Variants in CYTH4 observed in about 807,000 individuals in gnomAD.
CYTH4 encodes cytohesin 4, also known as cytohesin-4.
A neutral mutation model predicts 57.5 loss-of-function variants in CYTH4; 22 were observed. The ratio of observed to expected loss-of-function variants is 0.38; its 90% CI spans 0.27 to 0.55. The LOEUF (loss-of-function observed/expected upper bound fraction) is 0.55, where lower values mean the gene tolerates loss of function less well. CYTH4 is among the 20% of genes least tolerant of loss of function. The pLI is 0.74. For missense variants in CYTH4, 420 were observed against 535.6 expected (o/e 0.78, Z 2.13); for synonymous variants, 186 against 206.5 (o/e 0.90, Z 0.85).
intron 1 of CYTH4, among the ~76,000 whole-genome samples, chr22:37,285,094 A>T (rs557662724): frequency 6.6e-6 from 1 of 152,150 alleles, no homozygotes; most frequent in African/African-American, 2.4e-5. Flanking sequence ...GGGCCCTGAG[A>T]TGGCATCCTC....
intron 1 of CYTH4, among the ~76,000 whole-genome samples, chr22:37,290,920 G>A (rs1403379569): frequency 6.6e-6 from 1 of 152,202 alleles, no homozygotes; most frequent in Non-Finnish European, 1.5e-5. Context: ...TGAGCCATCA[G>A]CAGGCTTTCC....
At chr22:37,302,927 C>G (rs190636786) in intron 7 of CYTH4, among the ~76,000 whole-genome samples, 243 of 149,568 alleles carry the variant, frequency 1.6e-3, no homozygotes, top group African/African-American at 5.6e-3. Flanking sequence ...AAGGGCTCTG[C>G]GGGGAGGAGG....
At position 37,311,224 on chromosome 22, in the gene CYTH4, G is replaced by A. The variant is rs565053923; in HGVS notation, c.885+160G>A. Among the ~76,000 whole-genome samples the A allele has an allele frequency of 3.3e-5, 5 of 152,342 alleles. No homozygotes were observed. The East Asian group carries it at 5.8e-4, about 18-fold the overall frequency. On this transcript the variant is annotated intron_variant, in intron 10 of 12. Coordinates refer to ENST00000248901, the MANE Select transcript of CYTH4 (RefSeq NM_013385.5). The surrounding 1 kb of genome is among the most constrained non-coding windows in gnomAD (Gnocchi z 4.4). ...TACAGATGGGGAAAACGGGTACACA[G>A]AGGAGGGCCGGGCCAAGGTCCTAGG...
intron 6 of CYTH4, among the ~76,000 whole-genome samples, chr22:37,299,586 T>C (rs1929109285): frequency 1.3e-5 from 2 of 152,236 alleles, no homozygotes; most frequent in Admixed American, 6.5e-5. Context: ...TTTATTATGG[T>C]CATTCTCCTA....
At position 37,296,378 on chromosome 22, in the gene CYTH4, G is replaced by A. The variant is rs892454948; in HGVS notation, c.234+313G>A. The A allele has an allele frequency of 5.3e-5, 19 of 357,822 alleles. No homozygotes were observed. In the Middle Eastern group the frequency reaches 2.4e-3, roughly 45 times the overall value. 22.2% of individuals were successfully genotyped at this position (357,822 alleles called of 1,614,324 possible). ...CTCCATGAATGTGGCTTGGGACAGT[G>A]GAGCTCTTGGATCTGGGGCTTAGGC... On this transcript the variant is annotated intron_variant, in intron 4 of 12. Transcript: ENST00000248901.
At chr22:37,293,512 T>C (rs1468369204) in intron 2 of CYTH4, among the ~76,000 whole-genome samples, 1 of 152,246 alleles carries the variant, frequency 6.6e-6, no homozygotes, top group African/African-American at 2.4e-5. Flanking sequence ...CAGTTAATAC[T>C]TGCAAATGAA....
intron 1 of CYTH4, among the ~76,000 whole-genome samples, chr22:37,288,880 C>A (rs1299621415): frequency 6.6e-6 from 1 of 152,212 alleles, no homozygotes; most frequent in East Asian, 1.9e-4. Flanking sequence ...GATCTCATGG[C>A]CACGTGCTCA....
chr22:37,283,295 T>C (rs1928431103), intron 1 of CYTH4, among the ~76,000 whole-genome samples: 2 of 152,042 alleles, frequency 1.3e-5, no homozygotes, highest in African/African-American at 4.8e-5. Flanking sequence ...GCTGCAAAGA[T>C]GGTGAGGAAA....
chr22:37,309,756 A>G (rs1569112391), intron 9 of CYTH4, among the ~76,000 whole-genome samples: 1 of 152,228 alleles, frequency 6.6e-6, no homozygotes, highest in Non-Finnish European at 1.5e-5. Flanking sequence ...ACAGCCAGCC[A>G]GGGGCAGATT....
At chr22:37,292,435 A>G in intron 1 of CYTH4, 186 bp from the exon 2 acceptor site, 1 of 568,106 alleles carries the variant, frequency 1.8e-6, no homozygotes, top group Non-Finnish European at 3.1e-6. Context: ...AACAGGAAGC[A>G]GGGCAGGAGA....
intron 1 of CYTH4, among the ~76,000 whole-genome samples, 163 bp downstream of exon 1, chr22:37,282,751 G>A (rs953015149): frequency 3.3e-5 from 5 of 152,220 alleles, no homozygotes. Context: ...GTCCAGTTGC[G>A]TTCTAGGGGC....
At chr22:37,292,363 G>A (rs1928776027) in intron 1 of CYTH4, 4 of 491,854 alleles carry the variant, frequency 8.1e-6, no homozygotes, top group East Asian at 6.5e-5. Flanking sequence ...CTAGCGGGAG[G>A]GACAGAAAAG....
At chr22:37,283,186 T>TAG (rs35451282) in intron 1 of CYTH4, among the ~76,000 whole-genome samples, 67,006 of 151,688 alleles carry the variant, frequency 0.44, 15,995 homozygotes, top group Non-Finnish European at 0.56. Flanking sequence ...GGACGCTGCC[T>TAG]AGAGCCAGGG....
At chr22:37,294,624 C>A (rs749132434) in intron 2 of CYTH4, 36 bp from the exon 3 acceptor site, 1 of 1,612,568 alleles carries the variant, frequency 6.2e-7, no homozygotes, top group Admixed American at 1.7e-5. Context: ...GGCCTCCACC[C>A]CTGACTCTCC....
intron 1 of CYTH4, among the ~76,000 whole-genome samples, chr22:37,288,879 G>A (rs1928648755): frequency 6.6e-6 from 1 of 152,196 alleles, no homozygotes; most frequent in Non-Finnish European, 1.5e-5. Flanking sequence ...GGATCTCATG[G>A]CCACGTGCTC....
chr22:37,303,423 C>T, intron 8 of CYTH4, 21 bp downstream of exon 8: 1 of 1,607,936 alleles, frequency 6.2e-7, no homozygotes, highest in South Asian at 1.1e-5. Context: ...CGCAGCCCAC[C>T]CAGCCTGGCC....
At position 37,311,552 on chromosome 22, in the gene CYTH4, C is replaced by T. The variant is rs770194659; in HGVS notation, c.957+25C>T. 6.8e-6 allele frequency: 11 copies of T among 1,610,732 alleles called. No individual in the cohort carries two copies. The highest frequency in any genetic ancestry group is 4.5e-5 in the East Asian group (2 of 44,872). ...AGTAGGTGTTCAGGTTGCAGGATCC[C>T]GAGGCTGGAGCCACTGGGAAATTTC... On this transcript the variant is annotated intron_variant, in intron 11 of 12. Coordinates refer to ENST00000248901, the MANE Select transcript of CYTH4 (RefSeq NM_013385.5). The surrounding 1 kb of genome is among the most constrained non-coding windows in gnomAD (Gnocchi z 4.4).
In CYTH4 at chr22:37,313,598, C is replaced by T; in HGVS notation, c.*87C>T. The T allele has an allele frequency of 8.4e-7, 1 of 1,195,012 alleles. No individual in the cohort carries two copies. The highest frequency in any genetic ancestry group is 1.2e-5 in the South Asian group (1 of 80,152). 74.0% of individuals were successfully genotyped at this position (1,195,012 alleles called of 1,614,324 possible). A position where few individuals can be genotyped will look rare whatever the true frequency, so the allele number is the denominator to read the frequency against. On this transcript the variant is annotated 3_prime_UTR_variant, in exon 13 of 13. Transcript: ENST00000248901. ...GAGACCCACCTCCCACCCCAGTGCACTCTTTTGGGCCACAGACATCATTGC... is the reference window on the plus strand; with the variant it reads ...GAGACCCACCTCCCACCCCAGTGCATTCTTTTGGGCCACAGACATCATTGC...
rs1929748971 is a variant in CYTH4, at chr22:37,313,923, T to C, written c.*412T>C. ...AGGGGCCGTGGGGTCCCTAAGTGATTCTTCTCCCTGGCAAGGCTCTTCCTT... is the reference window on the plus strand; with the variant it reads ...AGGGGCCGTGGGGTCCCTAAGTGATCCTTCTCCCTGGCAAGGCTCTTCCTT... On this transcript the variant is annotated 3_prime_UTR_variant, in exon 13 of 13. Transcript: ENST00000248901. The C allele has an allele frequency of 4.2e-6, 1 of 238,238 alleles. No homozygotes were observed. The highest frequency in any genetic ancestry group is 9.7e-5 in the South Asian group (1 of 10,318). The allele number at this position is 238,238 out of a possible 1,614,324, so 14.8% of individuals were successfully genotyped here.
Sources: allele counts gnomAD v4.1 joint callset (sites outside exome capture counted in the v4.1 genomes callset), GRCh38; gene constraint gnomAD v4.1.1; non-coding constraint Gnocchi (gnomAD v3.1); transcripts MANE v1.5; gene names NCBI Gene and HGNC (gene_info 2026-07-23, HGNC 2026-07-21).